Variants in SDC1 observed in about 807,000 individuals in gnomAD.
The protein encoded by SDC1 is syndecan-1.
In SDC1, 14 loss-of-function variants were observed where a neutral mutation model predicts 29.7. The observed-to-expected ratio is 0.47, with a 90% CI of 0.31 to 0.74. SDC1 has a LOEUF of 0.74. Among genes scored for constraint, SDC1 ranks in the 30% least tolerant of loss-of-function variants. The pLI, the probability that SDC1 is intolerant of heterozygous loss-of-function variation, is 0.05. For synonymous variants in SDC1, 204 were observed against 175.5 expected (o/e 1.16, Z -1.29); for missense variants, 406 against 400.3 (o/e 1.01, Z -0.12).
At chr2:20,206,266 C>T (rs1677267653) in intron 1 of SDC1, among the ~76,000 whole-genome samples, 1 of 152,226 alleles carries the variant, frequency 6.6e-6, no homozygotes, top group African/African-American at 2.4e-5. Flanking sequence ...ACAGCAGTCC[C>T]AGGAATGCTG....
chr2:20,202,340 T>C lies in SDC1; in HGVS notation c.*426A>G, dbSNP rs1677043908. 3 of 770,682 alleles carry C rather than the reference T, an allele frequency of 3.9e-6. No individual in the cohort carries two copies. Among genetic ancestry groups the C allele is most frequent in the Non-Finnish European group, 7.2e-6 (3 of 414,642 alleles). The allele number at this position is 770,682 out of a possible 1,614,324, so 47.7% of individuals were successfully genotyped here. On this transcript the variant is annotated 3_prime_UTR_variant, in exon 5 of 5. Transcript: ENST00000254351. ...CCACTCAGCGGCCACCCCCCCAAGA[T>C]GCTTGGTCCTACCAGTAAGTGCTAC... is the stretch of plus-strand genomic sequence containing the variant.
At chr2:20,209,695 C>T (rs141296321) in intron 1 of SDC1, among the ~76,000 whole-genome samples, 14 of 152,360 alleles carry the variant, frequency 9.2e-5, no homozygotes, top group Middle Eastern at 3.4e-3. Flanking sequence ...TGCCAGCTTT[C>T]GCTCCCGTAA....
At chr2:20,204,806 A>C (rs986104991) in intron 2 of SDC1, among the ~76,000 whole-genome samples, 10 of 152,162 alleles carry the variant, frequency 6.6e-5, no homozygotes, top group African/African-American at 2.2e-4. Flanking sequence ...GGTCCACTCA[A>C]GAGCCACCTC....
In SDC1 at chr2:20,224,784, G is replaced by A. The variant is rs1226274233; in HGVS notation, c.66+18C>T. 2 of 1,305,814 alleles carry A rather than the reference G, an allele frequency of 1.5e-6. No homozygotes were observed. Among genetic ancestry groups the A allele is most frequent in the Non-Finnish European group, 1.9e-6 (2 of 1,026,618 alleles). 80.9% of individuals were successfully genotyped at this position (1,305,814 alleles called of 1,614,324 possible). ...CGGCTTCCCGCCGCCTCCCCGCCTGGCCGCCGGCCGCACTCACCGGCAGGG... is the reference window on the plus strand; with the variant it reads ...CGGCTTCCCGCCGCCTCCCCGCCTGACCGCCGGCCGCACTCACCGGCAGGG... On this transcript the variant is annotated intron_variant, in intron 1 of 4. Coordinates refer to ENST00000254351, the MANE Select transcript of SDC1 (RefSeq NM_002997.5). This position sits in a 1 kb window ranked among gnomAD's most constrained non-coding sequence, Gnocchi z 4.9.
intron 1 of SDC1, among the ~76,000 whole-genome samples, chr2:20,218,528 GACACAC>G (rs146986407): frequency 1.0e-4 from 15 of 145,234 alleles, no homozygotes; most frequent in African/African-American, 3.3e-4. Context: ...CACACACACA[GACACAC>G]ACACACACAG....
At chr2:20,204,864 C>A (rs981400661) in intron 2 of SDC1, among the ~76,000 whole-genome samples, 1 of 152,306 alleles carries the variant, frequency 6.6e-6, no homozygotes, top group Non-Finnish European at 1.5e-5. Context: ...CTTCTCTCCC[C>A]CAGTCCCCCA....
intron 1 of SDC1, among the ~76,000 whole-genome samples, chr2:20,214,953 C>T (rs572386318): frequency 1.3e-5 from 2 of 152,324 alleles, no homozygotes; most frequent in South Asian, 4.1e-4. Context: ...GTACCATGCA[C>T]ATTTTACAGA....
At chr2:20,206,737 G>A (rs1370009974) in intron 1 of SDC1, among the ~76,000 whole-genome samples, 7 of 152,240 alleles carry the variant, frequency 4.6e-5, no homozygotes, top group African/African-American at 1.4e-4. Context: ...TCATTAAACT[G>A]CTTATGGCTT....
At chr2:20,203,277 C>A in intron 3 of SDC1, 55 bp from the exon 4 acceptor site, 1 of 1,556,236 alleles carries the variant, frequency 6.4e-7, no homozygotes, top group Non-Finnish European at 8.7e-7. Flanking sequence ...GCAGCAGCAA[C>A]CAGCTCCACT....
chr2:20,209,520 C>T (rs948779724), intron 1 of SDC1, among the ~76,000 whole-genome samples: 1 of 152,184 alleles, frequency 6.6e-6, no homozygotes, highest in Non-Finnish European at 1.5e-5. Context: ...AGGGACCAGC[C>T]CACATTTGAG....
intron 1 of SDC1, among the ~76,000 whole-genome samples, chr2:20,205,697 T>C (rs1170893751): frequency 6.6e-6 from 1 of 151,746 alleles, no homozygotes; most frequent in African/African-American, 2.4e-5. Flanking sequence ...AGAAGCTCAG[T>C]CTGGTGAGGG....
intron 1 of SDC1, among the ~76,000 whole-genome samples, chr2:20,220,448 T>C (rs1349074685): frequency 6.6e-6 from 1 of 152,142 alleles, no homozygotes; most frequent in African/African-American, 2.4e-5. Flanking sequence ...AGCTTCCTCA[T>C]CCACAAAGTG....
In SDC1 at chr2:20,224,432, A is replaced by AT. The variant is rs1407212156; in HGVS notation, c.66+369dup. On this transcript the variant is annotated intron_variant, in intron 1 of 4. Transcript: ENST00000254351. The surrounding 1 kb of genome is among the most constrained non-coding windows in gnomAD (Gnocchi z 4.9). ...GGGGCGTTGTGGCCGCGGTCACTGC[A>AT]TCCCCCCGGGTCACCGACGGGGGCC... 6.6e-6 allele frequency among the ~76,000 whole-genome samples: 1 copy of AT among 151,378 alleles called. No homozygotes were observed. The highest frequency in any genetic ancestry group is 1.5e-5 in the Non-Finnish European group (1 of 67,770).
chr2:20,223,239 A>G, intron 1 of SDC1: 1 of 1,302,108 alleles, frequency 7.7e-7, no homozygotes, highest in South Asian at 1.2e-5. Context: ...CATCGGTCTC[A>G]GAAACGACTG....
intron 1 of SDC1, among the ~76,000 whole-genome samples, chr2:20,212,523 G>C (rs930341124): frequency 1.1e-4 from 17 of 152,220 alleles, no homozygotes; most frequent in Non-Finnish European, 2.2e-4. Flanking sequence ...GCTGCAGATG[G>C]GGTCTGGGCC....
intron 1 of SDC1, among the ~76,000 whole-genome samples, chr2:20,215,622 G>A (rs1242893978): frequency 1.3e-5 from 2 of 152,230 alleles, no homozygotes; most frequent in Non-Finnish European, 2.9e-5. Context: ...GGCAAGGAAG[G>A]GGCCCCAATC....
At chr2:20,205,267 G>A in intron 2 of SDC1, 76 bp downstream of exon 2, 1 of 1,131,220 alleles carries the variant, frequency 8.8e-7, no homozygotes, top group Non-Finnish European at 1.3e-6. Flanking sequence ...AGTAAACACA[G>A]GAGACTGCCT....
rs1385453771 is a variant in SDC1 at position 20,224,665 on chromosome 2, C to G, written c.66+137G>C. 2.8e-6 allele frequency: 3 copies of G among 1,085,168 alleles called. No individual in the cohort carries two copies. The highest frequency in any genetic ancestry group is 1.2e-6 in the Non-Finnish European group (1 of 866,362). 67.2% of individuals were successfully genotyped at this position (1,085,168 alleles called of 1,614,324 possible). On this transcript the variant is annotated intron_variant, in intron 1 of 4. Coordinates refer to ENST00000254351, the MANE Select transcript of SDC1 (RefSeq NM_002997.5). This position sits in a 1 kb window ranked among gnomAD's most constrained non-coding sequence, Gnocchi z 4.9. ...GAGCCCTGGTCTCGGGGCTCACCGTCCCGGGACCCGCTGGGCTAGCGCGGG... is the reference window on the plus strand; with the variant it reads ...GAGCCCTGGTCTCGGGGCTCACCGTGCCGGGACCCGCTGGGCTAGCGCGGG...
Position 20,202,680 on chromosome 2 carries a change from G to T in SDC1, c.*86C>A. 7.5e-7 allele frequency: 1 copy of T among 1,339,884 alleles called. No individual in the cohort carries two copies. 83.0% of individuals were successfully genotyped at this position (1,339,884 alleles called of 1,614,324 possible). ...TGCTGGGGAGGTGGCCTGGTGGCAG[G>T]GGAGGCCAGGGCCTGCAGTTCTTCA... is the stretch of plus-strand genomic sequence containing the variant. On this transcript the variant is annotated 3_prime_UTR_variant, in exon 5 of 5. Coordinates refer to ENST00000254351, the MANE Select transcript of SDC1 (RefSeq NM_002997.5).
Sources: gnomAD v4.1 joint callset for allele counts (sites outside exome capture counted in the v4.1 genomes callset) on GRCh38, gnomAD v4.1.1 for gene constraint, Gnocchi (gnomAD v3.1) non-coding constraint, MANE v1.5 for transcripts, NCBI Gene and HGNC (gene_info 2026-07-23, HGNC 2026-07-21) for gene names.